Variants in FHIT observed in about 807,000 individuals in gnomAD.
FHIT encodes the protein bis(5'-adenosyl)-triphosphatase.
In FHIT, 19 loss-of-function variants were observed where a neutral mutation model predicts 17.9. That is an observed-to-expected ratio of 1.06 (90% CI 0.74 to 1.56). The LOEUF (loss-of-function observed/expected upper bound fraction) is 1.56, where lower values mean the gene tolerates loss of function less well. FHIT is among the 40% of genes most tolerant of loss of function. The pLI is 0.00. For synonymous variants in FHIT, 81 were observed against 69.7 expected (o/e 1.16, Z -0.81); for missense variants, 248 against 189.2 (o/e 1.31, Z -1.82).
At chr3:60,258,472 C>T (rs982350652) in intron 5 of FHIT, among the ~76,000 whole-genome samples, 1 of 152,114 alleles carries the variant, frequency 6.6e-6, no homozygotes, top group Non-Finnish European at 1.5e-5. Context: ...CTGTCCAGTG[C>T]ATTATATCTT....
At chr3:59,947,782 AC>A (rs970758828) in intron 7 of FHIT, among the ~76,000 whole-genome samples, 12 of 152,170 alleles carry the variant, frequency 7.9e-5, no homozygotes, top group African/African-American at 2.7e-4. Context: ...AAAGCACTTC[AC>A]TGGGGCAGTG....
intron 3 of FHIT, among the ~76,000 whole-genome samples, chr3:60,845,153 G>A (rs1702880320): frequency 6.6e-6 from 1 of 151,936 alleles, no homozygotes; most frequent in Admixed American, 6.6e-5. Context: ...AATATATTAA[G>A]GGCAAATTTT....
At chr3:60,621,866 C>T (rs2039140007) in intron 4 of FHIT, among the ~76,000 whole-genome samples, 1 of 102,784 alleles carries the variant, frequency 9.7e-6, no homozygotes, top group Non-Finnish European at 2.1e-5. Context: ...GAGTGAGACA[C>T]TCTCCAAAAA....
chr3:60,968,336 A>G (rs1359220042), intron 3 of FHIT, among the ~76,000 whole-genome samples: 1 of 152,238 alleles, frequency 6.6e-6, no homozygotes, highest in Non-Finnish European at 1.5e-5. Flanking sequence ...AATGATGAAT[A>G]AAAATGGAAA....
chr3:61,223,782 A>C (rs2039898497), intron 1 of FHIT, among the ~76,000 whole-genome samples: 1 of 152,198 alleles, frequency 6.6e-6, no homozygotes, highest in African/African-American at 2.4e-5. Context: ...GCATTATACT[A>C]ACACGATGGG....
chr3:60,311,391 G>C (rs1477533786), intron 5 of FHIT, among the ~76,000 whole-genome samples: 1 of 152,080 alleles, frequency 6.6e-6, no homozygotes, highest in Admixed American at 6.6e-5. Flanking sequence ...TCAGGGTACT[G>C]CATCAGGAGA....
intron 5 of FHIT, among the ~76,000 whole-genome samples, chr3:60,245,075 C>G (rs534655519): frequency 6.6e-6 from 1 of 151,968 alleles, no homozygotes; most frequent in East Asian, 1.9e-4. Flanking sequence ...CTATGGTTGA[C>G]AGAAATACAG....
At chr3:60,029,863 T>A (rs562705688) in intron 5 of FHIT, among the ~76,000 whole-genome samples, 17 of 115,132 alleles carry the variant, frequency 1.5e-4, no homozygotes, top group Non-Finnish European at 2.9e-4. Flanking sequence ...GTTGGGCAGA[T>A]GTCCTCATAG....
chr3:60,485,707 C>T (rs1359122170), intron 5 of FHIT, among the ~76,000 whole-genome samples: 1 of 152,020 alleles, frequency 6.6e-6, no homozygotes, highest in Non-Finnish European at 1.5e-5. Context: ...TGCAGCAAAC[C>T]ACCATGGCAC....
chr3:60,104,368 A>G (rs1315854186), intron 5 of FHIT, among the ~76,000 whole-genome samples: 3 of 152,170 alleles, frequency 2.0e-5, no homozygotes, highest in South Asian at 4.1e-4. Context: ...GATTGTAATT[A>G]TCTTTGAAAT....
At chr3:60,258,036 A>T (rs1223385361) in intron 5 of FHIT, among the ~76,000 whole-genome samples, 1 of 150,064 alleles carries the variant, frequency 6.7e-6, no homozygotes, top group Admixed American at 6.7e-5. Flanking sequence ...CTGCACATGT[A>T]ACCCTGAACT....
At chr3:59,994,327 G>A (rs1220478156) in intron 7 of FHIT, among the ~76,000 whole-genome samples, 1 of 152,050 alleles carries the variant, frequency 6.6e-6, no homozygotes, top group African/African-American at 2.4e-5. Flanking sequence ...TTTAGGGAAG[G>A]TGCATAAACC....
At chr3:59,774,888 T>C (rs1702233910) in intron 8 of FHIT, among the ~76,000 whole-genome samples, 1 of 152,186 alleles carries the variant, frequency 6.6e-6, no homozygotes, top group African/African-American at 2.4e-5. Context: ...AATTCTTAAC[T>C]TCTCTTGATA....
chr3:60,455,027 AGT>A (rs2031999301), intron 5 of FHIT, among the ~76,000 whole-genome samples: 2 of 152,206 alleles, frequency 1.3e-5, no homozygotes, highest in Admixed American at 6.5e-5. Flanking sequence ...ACTATATTAT[AGT>A]ATGAGTACCT....
intron 5 of FHIT, among the ~76,000 whole-genome samples, chr3:60,507,982 A>T (rs2034802586): frequency 6.6e-6 from 1 of 152,200 alleles, no homozygotes; most frequent in Non-Finnish European, 1.5e-5. Context: ...TTCGGTGAAC[A>T]TATGCATGCA....
At chr3:61,032,204 G>C (rs537162679) in intron 3 of FHIT, among the ~76,000 whole-genome samples, 1 of 152,258 alleles carries the variant, frequency 6.6e-6, no homozygotes, top group South Asian at 2.1e-4. Flanking sequence ...TAAAAATACA[G>C]AACTTTACAT....
intron 5 of FHIT, among the ~76,000 whole-genome samples, chr3:60,094,033 C>A (rs7643042): frequency 0.34 from 51,587 of 151,804 alleles, 9,407 homozygotes; most frequent in African/African-American, 0.46. Flanking sequence ...GCAGAGCTGA[C>A]TATATGTGCT....
chr3:60,421,687 G>A (rs888532308), intron 5 of FHIT, among the ~76,000 whole-genome samples: 1 of 151,680 alleles, frequency 6.6e-6, no homozygotes, highest in African/African-American at 2.4e-5. Flanking sequence ...AAAAATTAAA[G>A]GTTTGACCTT....
At position 60,545,348 on chromosome 3, in the gene FHIT, T is replaced by C. The variant is rs6797158; in HGVS notation, c.-17-8369A>G. 7.3e-3 allele frequency among the ~76,000 whole-genome samples: 1,110 copies of C among 152,312 alleles called. 5 individuals carry two copies. The highest frequency in any genetic ancestry group is 0.011 in the Non-Finnish European group (731 of 68,026). ...TTTGGCTTTTATGAATTATTTTTAC[T>C]TTATTACCACATTTGTATTTATTTC... On this transcript the variant is annotated intron_variant, in intron 4 of 9. Coordinates refer to ENST00000492590, the MANE Select transcript of FHIT (RefSeq NM_002012.4).
Sources: allele counts gnomAD v4.1 joint callset (sites outside exome capture counted in the v4.1 genomes callset), GRCh38; gene constraint gnomAD v4.1.1; transcripts MANE v1.5; gene names NCBI Gene and HGNC (gene_info 2026-07-23, HGNC 2026-07-21).